Variants in CTNNA3 observed in about 807,000 individuals in gnomAD.
CTNNA3 encodes the protein catenin alpha 3.
CTNNA3 carries 76 observed loss-of-function variants against 95.7 expected under a neutral mutation model. The ratio of observed to expected loss-of-function variants is 0.79; its 90% confidence interval spans 0.66 to 0.96. The LOEUF (loss-of-function observed/expected upper bound fraction) is 0.96. Among genes scored for constraint, CTNNA3 ranks in the 40% least tolerant of loss-of-function variants. The pLI, the probability that CTNNA3 is intolerant of heterozygous loss-of-function variation, is 0.00. For synonymous variants in CTNNA3, 431 were observed against 374.4 expected (o/e 1.15, Z -1.74); for missense variants, 1,191 against 1,089.8 (o/e 1.09, Z -1.31).
intron 7 of CTNNA3, among the ~76,000 whole-genome samples, chr10:67,020,999 C>T (rs1852975695): frequency 6.6e-6 from 1 of 152,112 alleles, no homozygotes; most frequent in South Asian, 2.1e-4. Flanking sequence ...GTCTGAGATA[C>T]CAACTGAAGA....
At chr10:66,384,392 G>A in intron 11 of CTNNA3, among the ~76,000 whole-genome samples, 1 of 152,170 alleles carries the variant, frequency 6.6e-6, no homozygotes, top group Admixed American at 6.5e-5. Context: ...AACAAGAAGA[G>A]CTAACTATCA....
intron 10 of CTNNA3, among the ~76,000 whole-genome samples, chr10:66,610,912 A>T (rs1387567386): frequency 1.3e-5 from 2 of 152,108 alleles, no homozygotes; most frequent in Admixed American, 6.6e-5. Context: ...ATGAATAAAT[A>T]AAAAAATGTG....
chr10:67,673,401 A>G lies in CTNNA3; in HGVS notation c.-6+22599T>C, dbSNP rs865920804. Among the ~76,000 whole-genome samples, 450 of 150,900 alleles carry G rather than the reference A, an allele frequency of 3.0e-3. 14 individuals carry two copies. In the Middle Eastern group the frequency reaches 0.031, roughly 11 times the overall value. ...GGCCAGAACTTCCAACACTATGTTGAATAGGAGTGGTGAGAGAGGGCATCC... is the reference window on the plus strand; with the variant it reads ...GGCCAGAACTTCCAACACTATGTTGGATAGGAGTGGTGAGAGAGGGCATCC... On this transcript the variant is annotated intron_variant, in intron 1 of 17. Coordinates refer to ENST00000433211, the MANE Select transcript of CTNNA3 (RefSeq NM_013266.4).
intron 13 of CTNNA3, among the ~76,000 whole-genome samples, chr10:66,137,179 T>A (rs967488475): frequency 6.6e-6 from 1 of 152,172 alleles, no homozygotes; most frequent in African/African-American, 2.4e-5. Flanking sequence ...TTGAGACTTT[T>A]TTTTAGCAAT....
At chr10:66,290,158 A>C (rs1348578254) in intron 12 of CTNNA3, among the ~76,000 whole-genome samples, 1 of 152,060 alleles carries the variant, frequency 6.6e-6, no homozygotes, top group African/African-American at 2.4e-5. Flanking sequence ...AATAAAGAGA[A>C]GTAGAGATTT....
Position 66,130,072 on chromosome 10 carries a change from C to T in CTNNA3, c.1885-26823G>A, listed in dbSNP as rs138858880. On this transcript the variant is annotated intron_variant, in intron 13 of 17. Transcript: ENST00000433211. ...CCCTGTGCCAACACTGCCATCAGTG[C>T]TAAACTAGGCACACAGAACAGTGAC... is the stretch of plus-strand genomic sequence containing the variant. Among the ~76,000 whole-genome samples, 738 of 152,252 alleles carry T rather than the reference C, an allele frequency of 4.8e-3. 8 individuals are homozygous for T. Among genetic ancestry groups the T allele is most frequent in the Middle Eastern group, 0.027 (8 of 294 alleles).
rs140285446 is a variant in CTNNA3, at chr10:67,474,951, C to A, written c.579+46891G>T. Among the ~76,000 whole-genome samples the A allele has an allele frequency of 2.7e-3, 408 of 152,294 alleles. 1 individual carries two copies. Among genetic ancestry groups the A allele is most frequent in the Non-Finnish European group, 4.7e-3 (320 of 68,000 alleles). On this transcript the variant is annotated intron_variant, in intron 5 of 17. Transcript: ENST00000433211. ...TTTATCCAAGTAAAATGAAAACTTA[C>A]ATTCATGTAAAAATCAGAGCATGAT...
chr10:66,913,494 T>C (rs1846328644), intron 7 of CTNNA3, among the ~76,000 whole-genome samples: 1 of 152,048 alleles, frequency 6.6e-6, no homozygotes, highest in African/African-American at 2.4e-5. Flanking sequence ...ACACGGCAGA[T>C]TGATCGCATG....
intron 7 of CTNNA3, among the ~76,000 whole-genome samples, chr10:67,064,081 A>G (rs138600733): frequency 1.2e-3 from 184 of 152,268 alleles, no homozygotes; most frequent in African/African-American, 4.3e-3. Flanking sequence ...TTAATAGTGC[A>G]CTTATTTCTA....
intron 12 of CTNNA3, among the ~76,000 whole-genome samples, chr10:66,328,664 T>A (rs921865580): frequency 6.6e-6 from 1 of 151,606 alleles, no homozygotes; most frequent in Non-Finnish European, 1.5e-5. Context: ...TTTATGTGTA[T>A]ATAAATGAGG....
Position 67,402,128 on chromosome 10 carries a change from T to C in CTNNA3, c.579+119714A>G, listed in dbSNP as rs572104877. Among the ~76,000 whole-genome samples, 4 of 152,266 alleles carry C rather than the reference T, an allele frequency of 2.6e-5. No individual in the cohort carries two copies. The South Asian group carries it at 8.3e-4, about 32-fold the overall frequency. Reference sequence around the variant, plus strand: ...AATGACAGACATAGAATTCAAAATATGGATGGCAAAGAAGCTCATTGAGAT... The same window carrying C: ...AATGACAGACATAGAATTCAAAATACGGATGGCAAAGAAGCTCATTGAGAT... On this transcript the variant is annotated intron_variant, in intron 5 of 17. Coordinates refer to ENST00000433211, the MANE Select transcript of CTNNA3 (RefSeq NM_013266.4).
intron 7 of CTNNA3, among the ~76,000 whole-genome samples, chr10:66,930,110 A>G (rs1847293964): frequency 6.6e-6 from 1 of 152,162 alleles, no homozygotes; most frequent in Non-Finnish European, 1.5e-5. Context: ...AATCTAGGCA[A>G]GTCACCATAA....
chr10:65,942,136 G>A (rs539245988), intron 17 of CTNNA3, among the ~76,000 whole-genome samples: 14 of 152,274 alleles, frequency 9.2e-5, no homozygotes, highest in African/African-American at 3.1e-4. Context: ...ATTAAAGCAG[G>A]TTTATTTAAA....
intron 2 of CTNNA3, 21 bp from the exon 3 acceptor site, chr10:67,607,070 A>T: frequency 6.4e-7 from 1 of 1,571,142 alleles, no homozygotes; most frequent in Non-Finnish European, 8.7e-7. Context: ...AAAAATACAA[A>T]GTACTAAATT....
intron 5 of CTNNA3, among the ~76,000 whole-genome samples, chr10:67,221,620 G>A (rs1194947295): frequency 6.6e-6 from 1 of 152,022 alleles, no homozygotes. Context: ...TGTCGCCGAG[G>A]CTGGAGTACA....
chr10:66,447,343 C>T (rs1589264689), intron 11 of CTNNA3, among the ~76,000 whole-genome samples: 1 of 147,848 alleles, frequency 6.8e-6, no homozygotes, highest in East Asian at 2.0e-4. Flanking sequence ...TCATATGGAA[C>T]CAAAAAAGAG....
At chr10:67,593,629 G>A (rs1842847350) in intron 3 of CTNNA3, among the ~76,000 whole-genome samples, 1 of 152,178 alleles carries the variant, frequency 6.6e-6, no homozygotes, top group South Asian at 2.1e-4. Flanking sequence ...GTTTGCTAAA[G>A]TTGTTTATCA....
chr10:67,259,620 C>T (rs968083905), intron 5 of CTNNA3, among the ~76,000 whole-genome samples: 1 of 152,124 alleles, frequency 6.6e-6, no homozygotes, highest in East Asian at 1.9e-4. Context: ...GTAAAATATA[C>T]GTCCCTGAGG....
chr10:67,258,435 T>C (rs775486401), intron 5 of CTNNA3, among the ~76,000 whole-genome samples: 43 of 152,262 alleles, frequency 2.8e-4, no homozygotes, highest in Middle Eastern at 3.4e-3. Flanking sequence ...TGAGCCACAG[T>C]GCCCGGCCAC....
Sources: allele counts gnomAD v4.1 joint callset (sites outside exome capture counted in the v4.1 genomes callset), GRCh38; gene constraint gnomAD v4.1.1; transcripts MANE v1.5; gene names NCBI Gene and HGNC (gene_info 2026-07-23, HGNC 2026-07-21).